The following MYO7B variants were observed in gnomAD, a reference collection of about 807,000 sequenced individuals.
MYO7B encodes myosin VIIB.
Under a neutral mutation model 259.7 loss-of-function variants are expected in MYO7B, and 212 were observed. The observed-to-expected ratio is 0.82, with a 90% CI of 0.73 to 0.91. The LOEUF (loss-of-function observed/expected upper bound fraction) is 0.91. MYO7B is among the 40% of genes least tolerant of loss of function. The pLI, the probability that MYO7B is intolerant of heterozygous loss-of-function variation, is 0.00. For missense variants in MYO7B, 2,732 were observed against 2,813.5 expected (o/e 0.97, Z 0.66); for synonymous variants, 1,197 against 1,166.4 (o/e 1.03, Z -0.54).
chr2:127,574,021 A>C lies in MYO7B; in HGVS notation c.694A>C (p.Ile232Leu), dbSNP rs559170047. ...CAGCGGGGTGATCGAGGGCGCGCGC[A>C]TCGAGCAATTTCTCCTGGAGAAGTC... ...NPSGVIEGAR[I>L]EQFLLEKSRV... Residue 232 changes from isoleucine to leucine, a missense_variant, in exon 7 of 48, where the codon ATC becomes CTC. Ile to Leu is a conservative substitution (Grantham distance 5, BLOSUM62 2). Coordinates refer to ENST00000409816, the MANE Select transcript of MYO7B (RefSeq NM_001393586.1). 28 of 1,614,004 alleles carry C rather than the reference A, an allele frequency of 1.7e-5. No homozygotes were observed. The East Asian group carries it at 6.0e-4, about 35-fold the overall frequency.
At chr2:127,574,351 C>T (rs148717812) in intron 7 of MYO7B, among the ~76,000 whole-genome samples, 163 of 152,158 alleles carry the variant, frequency 1.1e-3, no homozygotes, top group African/African-American at 3.7e-3. Flanking sequence ...GCCTGGCCAA[C>T]ATGACAAAAC....
intron 2 of MYO7B, among the ~76,000 whole-genome samples, chr2:127,560,810 C>T (rs1678054138): frequency 6.6e-6 from 1 of 152,184 alleles, no homozygotes; most frequent in African/African-American, 2.4e-5. Context: ...AGTGCAAAGC[C>T]ACACAGGACA....
In MYO7B at chr2:127,608,808, T is replaced by A. The variant is rs764590256; in HGVS notation, c.2744T>A (p.Val915Glu). ...IYDTVTDTEMVEKVFGFLPAM... is the reference protein window; with the variant it reads ...IYDTVTDTEMEEKVFGFLPAM... ...GACACCGTCACTGACACGGAGATGG[T>A]GGAGAAGGTGTTCGGCTTCCTCCCT... The change falls in exon 22 of 48, where the codon GTG becomes GAG. Residue 915 changes from valine to glutamate, a missense_variant. Around this residue, in one of 3 missense-constraint regions of MYO7B, gnomAD observed 1,906 missense variants for 2,026.4 expected, o/e 0.94. Coordinates refer to ENST00000409816, the MANE Select transcript of MYO7B (RefSeq NM_001393586.1). The A allele has an allele frequency of 6.2e-7, 1 of 1,613,410 alleles. No individual in the cohort carries two copies. The highest frequency in any genetic ancestry group is 1.7e-5 in the Admixed American group (1 of 60,008).
chr2:127,615,376 G>C lies in MYO7B; in HGVS notation c.3398+2773G>C, dbSNP rs1390554325. Among the ~76,000 whole-genome samples, 2 of 152,160 alleles carry C rather than the reference G, an allele frequency of 1.3e-5. No homozygotes were observed. Among genetic ancestry groups the C allele is most frequent in the African/African-American group, 4.8e-5 (2 of 41,424 alleles). On this transcript the variant is annotated intron_variant, in intron 26 of 47. Coordinates refer to ENST00000409816, the MANE Select transcript of MYO7B (RefSeq NM_001393586.1). This position sits in a 1 kb window ranked among gnomAD's most constrained non-coding sequence, Gnocchi z 4.4. ...AACAAAGGGGGATGAACGTAGAAATGAAAACTGAAGACAAAAGAAACTTTT... is the reference window on the plus strand; with the variant it reads ...AACAAAGGGGGATGAACGTAGAAATCAAAACTGAAGACAAAAGAAACTTTT...
chr2:127,620,113 A>C, intron 26 of MYO7B: 1 of 383,928 alleles, frequency 2.6e-6, no homozygotes, highest in Non-Finnish European at 4.6e-6. Flanking sequence ...GCCGAGCCCC[A>C]CCCTAAAGGA....
At chr2:127,635,279 C>A in intron 43 of MYO7B, 53 bp downstream of exon 43, 1 of 1,515,252 alleles carries the variant, frequency 6.6e-7, no homozygotes, top group Non-Finnish European at 9.0e-7. Flanking sequence ...TCTTCCCACA[C>A]CTGTTCTGAG....
rs1222800499 is a variant in MYO7B, at chr2:127,628,031, A to G, written c.4461-341A>G. 5.8e-6 allele frequency: 3 copies of G among 514,736 alleles called. No homozygotes were observed. Among genetic ancestry groups the G allele is most frequent in the East Asian group, 5.3e-5 (1 of 18,722 alleles). 31.9% of individuals were successfully genotyped at this position (514,736 alleles called of 1,614,324 possible). A position where few individuals can be genotyped will look rare whatever the true frequency, so the allele number is the denominator to read the frequency against. ...GAGTAAACTGAAGCACGCCGAGGTT[A>G]GGTGGCTCAGAGTAAGCACATGGCA... On this transcript the variant is annotated intron_variant, in intron 33 of 47. Coordinates refer to ENST00000409816, the MANE Select transcript of MYO7B (RefSeq NM_001393586.1). The surrounding 1 kb of genome is among the most constrained non-coding windows in gnomAD (Gnocchi z 4.8).
rs1370201240 is a variant in MYO7B at position 127,614,700 on chromosome 2, C to A, written c.3398+2097C>A. On this transcript the variant is annotated intron_variant, in intron 26 of 47. Transcript: ENST00000409816. This position sits in a 1 kb window ranked among gnomAD's most constrained non-coding sequence, Gnocchi z 4.6. ...GTTCTCCTGGGGTCCCCTTCACCAACCTCATCACTTACAGGGAGTGGAAAT... is the reference window on the plus strand; with the variant it reads ...GTTCTCCTGGGGTCCCCTTCACCAAACTCATCACTTACAGGGAGTGGAAAT... 6.6e-6 allele frequency among the ~76,000 whole-genome samples: 1 copy of A among 152,144 alleles called. No individual in the cohort carries two copies. The highest frequency in any genetic ancestry group is 1.5e-5 in the Non-Finnish European group (1 of 68,034).
chr2:127,630,626 G>A (rs1384200612), intron 35 of MYO7B, among the ~76,000 whole-genome samples, 152 bp from the exon 36 acceptor site: 32 of 152,174 alleles, frequency 2.1e-4, no homozygotes, highest in Admixed American at 1.8e-3. Flanking sequence ...TGGGTCACAC[G>A]GCAGGTGACA....
In MYO7B at chr2:127,565,263, G is replaced by A; in HGVS notation, c.163G>A (p.Val55Ile). The change falls in exon 4 of 48, where the codon GTC becomes ATC. Residue 55 changes from valine (V) to isoleucine (I), a missense_variant. Around this residue, in one of 3 missense-constraint regions of MYO7B, gnomAD observed 1,906 missense variants for 2,026.4 expected, o/e 0.94. Transcript: ENST00000409816. ...EHWIRAEDFG[V>I]LSPMHPNSVQ... ...CTGGATCCGAGCAGAGGACTTTGGT[G>A]TCCTCAGTCCCATGCACCCCAACTC... The A allele has an allele frequency of 6.2e-7, 1 of 1,613,944 alleles. No homozygotes were observed. The highest frequency in any genetic ancestry group is 8.5e-7 in the Non-Finnish European group (1 of 1,179,844).
chr2:127,629,372 T>G (rs1288333842), intron 34 of MYO7B, among the ~76,000 whole-genome samples: 6 of 152,276 alleles, frequency 3.9e-5, no homozygotes, highest in African/African-American at 1.4e-4. Context: ...CCCTGGCTCC[T>G]GGTCAGCCCT....
intron 11 of MYO7B, 30 bp downstream of exon 11, chr2:127,582,040 G>A (rs1390568949): frequency 6.2e-7 from 1 of 1,612,830 alleles, no homozygotes. Flanking sequence ...GGGCTTACAT[G>A]GCCATCTGTT....
intron 11 of MYO7B, 146 bp from the exon 12 acceptor site, chr2:127,582,158 A>G (rs1314031776): frequency 6.8e-7 from 1 of 1,466,118 alleles, no homozygotes; most frequent in East Asian, 2.4e-5. Flanking sequence ...TGGACTCCTC[A>G]GCCTCTTGGG....
chr2:127,593,179 GGTTCCTTCTGGAACATGTCTGTA>G (rs1679635037), intron 17 of MYO7B, among the ~76,000 whole-genome samples: 1 of 152,204 alleles, frequency 6.6e-6, no homozygotes, highest in Non-Finnish European at 1.5e-5. Context: ...CGGCCGCAGC[GGTTCCTTCTGGAACATGTCTGTA>G]GTTGTACAGC....
At position 127,611,131 on chromosome 2, in the gene MYO7B, T is replaced by C. The variant is rs1449220090; in HGVS notation, c.3192+1115T>C. On this transcript the variant is annotated intron_variant, in intron 24 of 47. Transcript: ENST00000409816. This position sits in a 1 kb window ranked among gnomAD's most constrained non-coding sequence, Gnocchi z 5.4. ...TAAGAGGGCTCACTCACATGGCTGT[T>C]GGTGGGAGGCCTCAGTTCCTTGTCA... Among the ~76,000 whole-genome samples the C allele has an allele frequency of 6.6e-6, 1 of 152,262 alleles. No individual in the cohort carries two copies. The highest frequency in any genetic ancestry group is 2.4e-5 in the African/African-American group (1 of 41,464).
chr2:127,566,681 C>T lies in MYO7B; in HGVS notation c.324C>T (p.Phe108=). The change falls in exon 5 of 48, where the codon TTC becomes TTT. Residue 108 remains phenylalanine, a synonymous_variant. Coordinates refer to ENST00000409816, the MANE Select transcript of MYO7B (RefSeq NM_001393586.1). Reference sequence around the variant, plus strand: ...CCATCCTGGTGGCCGTCAACCCGTTCCAGGTGCTGCCGCTCTACACCCTGG... The same window carrying T: ...CCATCCTGGTGGCCGTCAACCCGTTTCAGGTGCTGCCGCTCTACACCCTGG... ...TGSILVAVNP[F]QVLPLYTLEQ... The T allele has an allele frequency of 1.2e-6, 2 of 1,604,542 alleles. No individual in the cohort carries two copies. Among genetic ancestry groups the T allele is most frequent in the Non-Finnish European group, 1.7e-6 (2 of 1,176,398 alleles).
intron 7 of MYO7B, among the ~76,000 whole-genome samples, chr2:127,575,310 T>C (rs1458391251): frequency 6.6e-6 from 1 of 152,116 alleles, no homozygotes; most frequent in African/African-American, 2.4e-5. Context: ...CTCTGCCCTG[T>C]CTGGAAGCTC....
At chr2:127,626,458 AG>A (rs916561322) in intron 31 of MYO7B, 1 of 155,692 alleles carries the variant, frequency 6.4e-6, no homozygotes, top group African/African-American at 2.4e-5. Context: ...CTCCTCCTAA[AG>A]GGTCCCCACA....
At chr2:127,562,946 G>T (rs187399554) in intron 2 of MYO7B, among the ~76,000 whole-genome samples, 218 of 152,242 alleles carry the variant, frequency 1.4e-3, no homozygotes, top group Non-Finnish European at 2.6e-3. Flanking sequence ...ATATCATTTT[G>T]CTCACTTTTC....
Sources: gnomAD v4.1 joint callset for allele counts (sites outside exome capture counted in the v4.1 genomes callset) on GRCh38, gnomAD v4.1.1 for gene constraint, gnomAD v4.1.1 regional missense constraint, Gnocchi (gnomAD v3.1) non-coding constraint, MANE v1.5 for transcripts, NCBI Gene and HGNC (gene_info 2026-07-23, HGNC 2026-07-21) for gene names.